PADI2: variants seen among roughly 807,000 people sequenced by gnomAD.
The protein encoded by PADI2 is peptidyl arginine deiminase 2.
A neutral mutation model predicts 81.1 loss-of-function variants in PADI2; 70 were observed. That is an observed-to-expected ratio of 0.86 (90% CI 0.71 to 1.05). The LOEUF is 1.05. Ranked by LOEUF, PADI2 falls within the 50% of genes least tolerant of loss-of-function variation. PADI2 has a pLI of 0.00. For synonymous variants in PADI2, 338 were observed against 358.0 expected (o/e 0.94, Z 0.63); for missense variants, 853 against 889.9 (o/e 0.96, Z 0.53).
At chr1:17,110,166 C>G (rs114065513) in intron 1 of PADI2, among the ~76,000 whole-genome samples, 21 of 152,162 alleles carry the variant, frequency 1.4e-4, no homozygotes, top group Admixed American at 1.2e-3. Context: ...GAATCTCTCT[C>G]GCAGAAACCC....
chr1:17,082,623 G>T lies in PADI2; in HGVS notation c.1080C>A (p.Ala360=), dbSNP rs1389349346. Reference sequence around the variant, plus strand: ...GCACCACGGGGAAGCCTTTATGGGGGGCCTCGATGTAGCCAAACTCAATTT... The same window carrying T: ...GCACCACGGGGAAGCCTTTATGGGGTGCCTCGATGTAGCCAAACTCAATTT... ...QDEIEFGYIE[A]PHKGFPVVLD... is the part of the protein sequence containing the mutation. The change falls in exon 10 of 16, where the codon GCC becomes GCA. Residue 360 remains alanine (A), a synonymous_variant. Transcript: ENST00000375486. 2 of 1,609,284 alleles carry T rather than the reference G, an allele frequency of 1.2e-6. No individual in the cohort carries two copies. Among genetic ancestry groups the T allele is most frequent in the Non-Finnish European group, 1.7e-6 (2 of 1,178,136 alleles).
At chr1:17,094,372 T>C (rs1457523520) in intron 4 of PADI2, among the ~76,000 whole-genome samples, 1 of 152,208 alleles carries the variant, frequency 6.6e-6, no homozygotes, top group Non-Finnish European at 1.5e-5. Context: ...CCTTTGCCTA[T>C]GCCAGTCCCT....
At chr1:17,089,324 T>G (rs1930589336) in intron 6 of PADI2, among the ~76,000 whole-genome samples, 1 of 152,214 alleles carries the variant, frequency 6.6e-6, no homozygotes, top group Non-Finnish European at 1.5e-5. Context: ...ACTGGCATCA[T>G]GAAAACATTT....
At chr1:17,087,463 C>T (rs1253144027) in intron 6 of PADI2, among the ~76,000 whole-genome samples, 1 of 150,454 alleles carries the variant, frequency 6.6e-6, no homozygotes, top group Non-Finnish European at 1.5e-5. Flanking sequence ...CTGCCATCTC[C>T]ATCACAGTCT....
Position 17,068,950 on chromosome 1 carries a change from G to T in PADI2, c.*94C>A. ...CCACGTCCCAAAGGTCTCCCAGCGGGGCTGTCCAGTCCATGTCAGCAGAAG... is the reference window on the plus strand; with the variant it reads ...CCACGTCCCAAAGGTCTCCCAGCGGTGCTGTCCAGTCCATGTCAGCAGAAG... On this transcript the variant is annotated 3_prime_UTR_variant, in exon 16 of 16. Transcript: ENST00000375486. The T allele has an allele frequency of 1.0e-6, 1 of 975,408 alleles. No homozygotes were observed. Among genetic ancestry groups the T allele is most frequent in the African/African-American group, 1.6e-5 (1 of 62,670 alleles). 60.4% of individuals were successfully genotyped at this position (975,408 alleles called of 1,614,324 possible). A position where few individuals can be genotyped will look rare whatever the true frequency, so the allele number is the denominator to read the frequency against.
At chr1:17,099,284 A>G (rs951288181) in intron 3 of PADI2, among the ~76,000 whole-genome samples, 2 of 152,214 alleles carry the variant, frequency 1.3e-5, no homozygotes, top group South Asian at 2.1e-4. Context: ...CTCTGGGGAG[A>G]AGGCATAGGA....
intron 9 of PADI2, chr1:17,083,413 T>G (rs970801460): frequency 3.4e-6 from 1 of 295,914 alleles, no homozygotes; most frequent in Non-Finnish European, 6.3e-6. Flanking sequence ...ACAACTTAAC[T>G]TGAAGCACAT....
intron 8 of PADI2, 84 bp downstream of exon 8, chr1:17,084,515 G>C (rs761427): frequency 1.3e-5 from 10 of 755,634 alleles, no homozygotes; most frequent in African/African-American, 1.0e-4. Flanking sequence ...TAAGTGACGG[G>C]GCCAGGAACT....
intron 3 of PADI2, among the ~76,000 whole-genome samples, chr1:17,099,140 G>A (rs1316143890): frequency 3.9e-5 from 6 of 152,198 alleles, no homozygotes; most frequent in Non-Finnish European, 5.9e-5. Context: ...AGCTCTGACC[G>A]AGAGGCACAA....
intron 6 of PADI2, among the ~76,000 whole-genome samples, chr1:17,088,990 G>T (rs199630482): frequency 1.3e-5 from 2 of 150,836 alleles, no homozygotes; most frequent in African/African-American, 4.9e-5. Context: ...TCTGTTAAGT[G>T]GGAGATAATG....
chr1:17,081,209 C>T (rs2078341375), intron 10 of PADI2, among the ~76,000 whole-genome samples: 2 of 152,184 alleles, frequency 1.3e-5, no homozygotes, highest in Non-Finnish European at 2.9e-5. Flanking sequence ...ACAATAAGCT[C>T]ACTAAGGACA....
chr1:17,082,463 C>A (rs963800083), intron 10 of PADI2, 82 bp downstream of exon 10: 1 of 874,640 alleles, frequency 1.1e-6, no homozygotes, highest in Non-Finnish European at 1.9e-6. Flanking sequence ...TGTGTCAAGG[C>A]GGCCCAGGGT....
At chr1:17,111,176 C>T (rs766708317) in intron 1 of PADI2, among the ~76,000 whole-genome samples, 1 of 149,170 alleles carries the variant, frequency 6.7e-6, no homozygotes, top group Non-Finnish European at 1.5e-5. Flanking sequence ...CAATCTCTAC[C>T]TCCTGGGTTC....
At chr1:17,105,170 A>C in intron 1 of PADI2, 109 bp from the exon 2 acceptor site, 1 of 717,646 alleles carries the variant, frequency 1.4e-6, no homozygotes, top group Non-Finnish European at 2.1e-6. Context: ...AAGCCCGAGA[A>C]TCACTTGAGC....
chr1:17,093,210 C>G (rs1419398549), intron 5 of PADI2, among the ~76,000 whole-genome samples: 1 of 151,876 alleles, frequency 6.6e-6, no homozygotes, highest in Non-Finnish European at 1.5e-5. Context: ...ATTCTCCTGC[C>G]TCAGCCTCCT....
In PADI2 at chr1:17,093,418, CT is replaced by C. The variant is rs1432891141; in HGVS notation, c.529+148del. ...CCTTGTCTATTTCCTATGGTTTTGC[CT>C]TTGGCTTTAAGCAAGAGTGGGAATT... is the stretch of plus-strand genomic sequence containing the variant. On this transcript the variant is annotated intron_variant, in intron 5 of 15. Transcript: ENST00000375486. The C allele has an allele frequency of 9.2e-6, 6 of 651,478 alleles. No individual in the cohort carries two copies. In the Admixed American group the frequency reaches 1.2e-4, roughly 13 times the overall value. The allele number at this position is 651,478 out of a possible 1,614,324, so 40.4% of individuals were successfully genotyped here.
At chr1:17,080,599 C>T (rs1253071226) in intron 10 of PADI2, among the ~76,000 whole-genome samples, 8 of 152,188 alleles carry the variant, frequency 5.3e-5, no homozygotes, top group Non-Finnish European at 7.3e-5. Flanking sequence ...AAAGTGGCAG[C>T]TATGAATATA....
intron 4 of PADI2, 148 bp downstream of exon 4, chr1:17,095,761 G>T (rs1204015884): frequency 1.7e-6 from 1 of 601,980 alleles, no homozygotes; most frequent in Non-Finnish European, 3.0e-6. Context: ...GCTCCTCTGT[G>T]GGTTCCATCA....
intron 1 of PADI2, among the ~76,000 whole-genome samples, chr1:17,116,678 C>A (rs1427957698): frequency 6.6e-6 from 1 of 152,142 alleles, no homozygotes; most frequent in Non-Finnish European, 1.5e-5. Flanking sequence ...AGACCTGGAC[C>A]TGAGTCCTGT....
Sources: gnomAD v4.1 joint callset for allele counts (sites outside exome capture counted in the v4.1 genomes callset) on GRCh38, gnomAD v4.1.1 for gene constraint, MANE v1.5 for transcripts, NCBI Gene and HGNC (gene_info 2026-07-23, HGNC 2026-07-21) for gene names.